The following CNTN5 variants were observed in gnomAD, a reference collection of about 807,000 sequenced individuals.
CNTN5 encodes the protein contactin 5, also known as contactin-5.
CNTN5 carries 77 observed loss-of-function variants against 129.1 expected under a neutral mutation model. That is an observed-to-expected ratio of 0.60 (90% CI 0.50 to 0.72). The LOEUF is 0.72. CNTN5 is among the 30% of genes least tolerant of loss of function. The pLI is 0.00. For missense variants in CNTN5, 1,478 were observed against 1,328.8 expected (o/e 1.11, Z -1.75); for synonymous variants, 509 against 465.6 (o/e 1.09, Z -1.20).
chr11:99,932,368 T>G lies in CNTN5; in HGVS notation c.673+16219T>G, dbSNP rs897329668. ...CCACCACGCCTGGCTAATTTTTGTATTTTTAGTAGAGACGGGGTTTCTCCA... is the reference window on the plus strand; with the variant it reads ...CCACCACGCCTGGCTAATTTTTGTAGTTTTAGTAGAGACGGGGTTTCTCCA... On this transcript the variant is annotated intron_variant, in intron 7 of 24. Transcript: ENST00000524871. 5.9e-5 allele frequency among the ~76,000 whole-genome samples: 9 copies of G among 151,932 alleles called. 1 individual carries two copies. Among genetic ancestry groups the G allele is most frequent in the African/African-American group, 2.2e-4 (9 of 41,312 alleles).
intron 1 of CNTN5, among the ~76,000 whole-genome samples, chr11:99,188,205 C>T (rs1858451307): frequency 6.6e-6 from 1 of 151,624 alleles, no homozygotes; most frequent in Admixed American, 6.6e-5. Flanking sequence ...TGGGTTAATT[C>T]TTTATTTTTA....
chr11:99,254,967 G>T (rs1591428563), intron 1 of CNTN5, among the ~76,000 whole-genome samples: 1 of 151,868 alleles, frequency 6.6e-6, no homozygotes, highest in Non-Finnish European at 1.5e-5. Context: ...ATACTATTTT[G>T]AACAAGCCGA....
intron 6 of CNTN5, among the ~76,000 whole-genome samples, chr11:99,914,500 A>G (rs963492805): frequency 6.6e-6 from 1 of 152,130 alleles, no homozygotes; most frequent in African/African-American, 2.4e-5. Flanking sequence ...CAAGCATAAT[A>G]TTTGGTAATA....
At chr11:99,145,527 C>T (rs1859740549) in intron 1 of CNTN5, among the ~76,000 whole-genome samples, 1 of 151,900 alleles carries the variant, frequency 6.6e-6, no homozygotes, top group Non-Finnish European at 1.5e-5. Context: ...TCCTATTTGT[C>T]TTCATTAAAA....
intron 2 of CNTN5, among the ~76,000 whole-genome samples, chr11:99,542,708 C>G (rs1948158314): frequency 1.3e-5 from 2 of 152,196 alleles, no homozygotes; most frequent in Admixed American, 6.5e-5. Flanking sequence ...TGGGCCACCC[C>G]TCTTTGTACA....
At chr11:99,765,661 AAAG>A (rs1354499603) in intron 3 of CNTN5, among the ~76,000 whole-genome samples, 8 of 151,394 alleles carry the variant, frequency 5.3e-5, no homozygotes, top group South Asian at 2.1e-4. Context: ...TGTTACAAAA[AAAG>A]AAGCTAAGGA....
intron 6 of CNTN5, among the ~76,000 whole-genome samples, chr11:99,893,685 T>C (rs573758267): frequency 2.1e-4 from 32 of 152,272 alleles, no homozygotes; most frequent in African/African-American, 7.5e-4. Flanking sequence ...AATTTGATTG[T>C]CTCCAATTCA....
chr11:99,888,132 C>A (rs1006100014), intron 6 of CNTN5, among the ~76,000 whole-genome samples: 21 of 152,000 alleles, frequency 1.4e-4, no homozygotes, highest in African/African-American at 5.1e-4. Context: ...GAACACAGTC[C>A]CTGGCACATA....
intron 6 of CNTN5, among the ~76,000 whole-genome samples, chr11:99,884,110 C>T (rs1273154523): frequency 6.6e-6 from 1 of 152,052 alleles, no homozygotes; most frequent in African/African-American, 2.4e-5. Flanking sequence ...TGGAAGTGCT[C>T]CCTGGAGGAA....
intron 2 of CNTN5, among the ~76,000 whole-genome samples, chr11:99,549,531 A>G (rs1471086471): frequency 1.3e-5 from 2 of 152,138 alleles, no homozygotes; most frequent in Non-Finnish European, 2.9e-5. Context: ...ACTCTTATTT[A>G]GCTTTCACAT....
intron 1 of CNTN5, among the ~76,000 whole-genome samples, chr11:99,140,202 T>C (rs368397744): frequency 1.3e-5 from 2 of 152,120 alleles, no homozygotes; most frequent in African/African-American, 4.8e-5. Flanking sequence ...TTTAGTGTAA[T>C]ATCTTTTTAA....
chr11:99,349,040 T>C (rs1338264151), intron 2 of CNTN5, among the ~76,000 whole-genome samples: 2 of 152,044 alleles, frequency 1.3e-5, no homozygotes, highest in Non-Finnish European at 2.9e-5. Context: ...ACAAAATGAG[T>C]AAATAAATTA....
intron 13 of CNTN5, among the ~76,000 whole-genome samples, chr11:100,104,881 T>C (rs1945364667): frequency 6.6e-6 from 1 of 152,196 alleles, no homozygotes; most frequent in Non-Finnish European, 1.5e-5. Context: ...CCCCTTTTTG[T>C]ACTATGCAAG....
chr11:99,726,093 G>C (rs1228504500), intron 3 of CNTN5, among the ~76,000 whole-genome samples: 3 of 152,158 alleles, frequency 2.0e-5, no homozygotes, highest in Non-Finnish European at 4.4e-5. Context: ...ATTCCCTCTT[G>C]GATATGATGT....
intron 3 of CNTN5, among the ~76,000 whole-genome samples, chr11:99,666,562 A>C (rs1952800204): frequency 6.6e-6 from 1 of 152,182 alleles, no homozygotes; most frequent in South Asian, 2.1e-4. Flanking sequence ...CACAAAATTC[A>C]TGCTACCACA....
chr11:99,697,396 A>G (rs558355437), intron 3 of CNTN5, among the ~76,000 whole-genome samples: 30 of 151,830 alleles, frequency 2.0e-4, no homozygotes, highest in African/African-American at 6.3e-4. Flanking sequence ...TGCTGATACT[A>G]TGTACGCCTA....
At chr11:99,427,871 T>G (rs916646420) in intron 2 of CNTN5, among the ~76,000 whole-genome samples, 6 of 151,768 alleles carry the variant, frequency 4.0e-5, no homozygotes, top group African/African-American at 1.5e-4. Flanking sequence ...TTATTTTGTG[T>G]ATCAGTGTAT....
chr11:99,402,018 G>A (rs990485427), intron 2 of CNTN5, among the ~76,000 whole-genome samples: 11 of 152,054 alleles, frequency 7.2e-5, no homozygotes, highest in Non-Finnish European at 1.6e-4. Flanking sequence ...GTGCAAACAA[G>A]GATAATCTGA....
At chr11:99,197,768 C>T (rs902501344) in intron 1 of CNTN5, among the ~76,000 whole-genome samples, 13 of 152,132 alleles carry the variant, frequency 8.5e-5, no homozygotes, top group Non-Finnish European at 7.4e-5. Context: ...AAGTTTATCC[C>T]AATTCTACCA....
Sources: gnomAD v4.1 joint callset for allele counts (sites outside exome capture counted in the v4.1 genomes callset) on GRCh38, gnomAD v4.1.1 for gene constraint, MANE v1.5 for transcripts, NCBI Gene and HGNC (gene_info 2026-07-23, HGNC 2026-07-21) for gene names.